ADGRL3: variants seen among roughly 807,000 people sequenced by gnomAD.
ADGRL3 encodes adhesion G protein-coupled receptor L3.
A neutral mutation model predicts 153.5 loss-of-function variants in ADGRL3; 62 were observed. The ratio of observed to expected loss-of-function variants is 0.40; its 90% CI spans 0.33 to 0.50. The LOEUF (loss-of-function observed/expected upper bound fraction) is 0.50, where lower values mean the gene tolerates loss of function less well. Ranked by LOEUF, ADGRL3 falls within the 20% of genes least tolerant of loss-of-function variation. The pLI is 0.47. For synonymous variants in ADGRL3, 710 were observed against 672.5 expected, an observed-to-expected ratio of 1.06 and a Z score of -0.86; for missense variants, 1,641 against 1,859.4, an observed-to-expected ratio of 0.88 and a Z score of 2.16.
intron 2 of ADGRL3, among the ~76,000 whole-genome samples, chr4:61,487,795 T>A (rs2098213530): frequency 6.6e-6 from 1 of 152,050 alleles, no homozygotes; most frequent in Non-Finnish European, 1.5e-5. Flanking sequence ...AGAGCAAAGG[T>A]TCTATCTTAC....
chr4:61,383,772 C>A (rs947867174), intron 2 of ADGRL3, among the ~76,000 whole-genome samples: 3 of 151,716 alleles, frequency 2.0e-5, no homozygotes, highest in Non-Finnish European at 4.4e-5. Flanking sequence ...TGAAGTCCAG[C>A]ATTTCAAGCA....
intron 1 of ADGRL3, among the ~76,000 whole-genome samples, chr4:61,369,463 C>A (rs1215105945): frequency 6.6e-6 from 1 of 151,982 alleles, no homozygotes; most frequent in Non-Finnish European, 1.5e-5. Context: ...TTGTCAAAGG[C>A]CTTTTCTGCA....
intron 4 of ADGRL3, among the ~76,000 whole-genome samples, chr4:61,523,299 A>G (rs926428525): frequency 2.0e-5 from 3 of 152,138 alleles, no homozygotes; most frequent in Admixed American, 2.0e-4. Context: ...CAATTTTGCT[A>G]CAGCAACGGA....
intron 13 of ADGRL3, among the ~76,000 whole-genome samples, chr4:61,916,974 A>G (rs527383295): frequency 3.3e-5 from 5 of 152,228 alleles, no homozygotes; most frequent in South Asian, 2.1e-4. Flanking sequence ...AAAAATAAAA[A>G]TAAATTTATT....
At chr4:61,879,915 G>A (rs2098499557) in intron 9 of ADGRL3, among the ~76,000 whole-genome samples, 1 of 151,406 alleles carries the variant, frequency 6.6e-6, no homozygotes, top group African/African-American at 2.4e-5. Flanking sequence ...GTACAGACAG[G>A]GGGTCTTGCT....
chr4:62,004,238 GA>G (rs1370801570), intron 21 of ADGRL3, among the ~76,000 whole-genome samples: 1 of 151,874 alleles, frequency 6.6e-6, no homozygotes, highest in African/African-American at 2.4e-5. Flanking sequence ...ATATACTTAT[GA>G]AAAATGCATC....
chr4:61,965,851 C>A (rs1328370013), intron 17 of ADGRL3, among the ~76,000 whole-genome samples: 1 of 152,074 alleles, frequency 6.6e-6, no homozygotes. Context: ...ATTTACTCTG[C>A]GTATCATTAC....
At chr4:61,395,929 T>C (rs1191763607) in intron 2 of ADGRL3, among the ~76,000 whole-genome samples, 1 of 151,924 alleles carries the variant, frequency 6.6e-6, no homozygotes, top group African/African-American at 2.4e-5. Flanking sequence ...TGAGAGCGCA[T>C]TGTGCTAATG....
intron 5 of ADGRL3, among the ~76,000 whole-genome samples, chr4:61,655,760 C>G (rs2150474213): frequency 6.6e-6 from 1 of 152,250 alleles, no homozygotes; most frequent in Non-Finnish European, 1.5e-5. Context: ...ACTATACTTT[C>G]ACATGAATGA....
At chr4:61,366,764 G>C (rs989731130) in intron 1 of ADGRL3, among the ~76,000 whole-genome samples, 13 of 152,022 alleles carry the variant, frequency 8.6e-5, no homozygotes, top group African/African-American at 3.1e-4. Flanking sequence ...TAAGTTAGTT[G>C]ACCTTTTAAG....
chr4:61,407,002 G>A (rs989515449), intron 2 of ADGRL3, among the ~76,000 whole-genome samples: 4 of 151,914 alleles, frequency 2.6e-5, no homozygotes, highest in Non-Finnish European at 4.4e-5. Context: ...TTATGGATAC[G>A]ATTAACTTAG....
intron 17 of ADGRL3, among the ~76,000 whole-genome samples, chr4:61,958,380 T>C (rs559538295): frequency 0.015 from 1,244 of 82,020 alleles, 11 homozygotes; most frequent in South Asian, 0.026. Context: ...TGTAAAGGTT[T>C]CTTTCTTTCT....
At chr4:61,910,526 G>A (rs1211046853) in intron 12 of ADGRL3, among the ~76,000 whole-genome samples, 1 of 150,758 alleles carries the variant, frequency 6.6e-6, no homozygotes, top group African/African-American at 2.4e-5. Context: ...AAAATATCAG[G>A]TGGTGAATTA....
At chr4:61,906,400 CT>C (rs1274920369) in intron 11 of ADGRL3, 1 of 152,030 alleles carries the variant, frequency 6.6e-6, no homozygotes, top group East Asian at 1.9e-4. Flanking sequence ...CCAAATTTGA[CT>C]GTCTTAATTT....
intron 9 of ADGRL3, among the ~76,000 whole-genome samples, chr4:61,851,558 C>T (rs966745003): frequency 2.5e-4 from 36 of 142,688 alleles, no homozygotes; most frequent in Non-Finnish European, 5.2e-4. Context: ...CCACTGCACG[C>T]CAGCATGAGC....
At chr4:61,899,939 T>A (rs2098654859) in intron 11 of ADGRL3, among the ~76,000 whole-genome samples, 1 of 152,126 alleles carries the variant, frequency 6.6e-6, no homozygotes, top group South Asian at 2.1e-4. Context: ...CTCTTAACAC[T>A]ATCACATTGA....
chr4:61,459,646 T>C (rs1470122434), intron 2 of ADGRL3, among the ~76,000 whole-genome samples: 1 of 152,178 alleles, frequency 6.6e-6, no homozygotes, highest in Non-Finnish European at 1.5e-5. Flanking sequence ...TTTTCTATAA[T>C]GACTGTAATA....
chr4:61,608,685 T>A (rs1579829950), intron 5 of ADGRL3, among the ~76,000 whole-genome samples: 1 of 152,206 alleles, frequency 6.6e-6, no homozygotes, highest in African/African-American at 2.4e-5. Flanking sequence ...TAAATATGTC[T>A]CTGTTTTCTT....
chr4:61,333,437 AGCC>A (rs1457911057), intron 1 of ADGRL3, among the ~76,000 whole-genome samples: 4 of 152,190 alleles, frequency 2.6e-5, no homozygotes, highest in Admixed American at 6.5e-5. Flanking sequence ...CCAAATTAAA[AGCC>A]ACCTTAATTG....
Sources: gnomAD v4.1 joint callset for allele counts (sites outside exome capture counted in the v4.1 genomes callset) on GRCh38, gnomAD v4.1.1 for gene constraint, MANE v1.5 for transcripts, NCBI Gene and HGNC (gene_info 2026-07-23, HGNC 2026-07-21) for gene names.